Variants in RAB11FIP2 observed in about 807,000 individuals in gnomAD.
RAB11FIP2 encodes rab11 family-interacting protein 2.
RAB11FIP2 carries 16 observed loss-of-function variants against 40.9 expected under a neutral mutation model. The ratio of observed to expected loss-of-function variants is 0.39; its 90% CI spans 0.26 to 0.59. The LOEUF is 0.59. Among genes scored for constraint, RAB11FIP2 ranks in the 20% least tolerant of loss-of-function variants. The pLI is 0.53. For synonymous variants in RAB11FIP2, 228 were observed against 213.7 expected, an observed-to-expected ratio of 1.07 and a Z score of -0.58; for missense variants, 532 against 606.2, an observed-to-expected ratio of 0.88 and a Z score of 1.28.
chr10:118,040,122 C>T lies in RAB11FIP2; in HGVS notation c.796+1G>A, dbSNP rs1346744894. On this transcript the variant is annotated splice_donor_variant, in intron 2 of 4. Transcript: ENST00000355624. LOFTEE classifies it high-confidence loss of function. ...TGAGTACACAAGAATGTGACACTTA[C>T]CACTTTCTGGAACTGTTCCAAAGGA... 1 of 1,610,216 alleles carries T rather than the reference C, an allele frequency of 6.2e-7. No individual in the cohort carries two copies. Among genetic ancestry groups the T allele is most frequent in the Non-Finnish European group, 8.5e-7 (1 of 1,177,554 alleles).
At chr10:118,035,435 T>C (rs543641782) in intron 3 of RAB11FIP2, among the ~76,000 whole-genome samples, 72 of 152,292 alleles carry the variant, frequency 4.7e-4, no homozygotes, top group Non-Finnish European at 9.0e-4. Context: ...TACGGCTTTA[T>C]GGATCTGTTT....
intron 3 of RAB11FIP2, among the ~76,000 whole-genome samples, chr10:118,022,306 C>A (rs1846291486): frequency 6.6e-6 from 1 of 152,076 alleles, no homozygotes; most frequent in South Asian, 2.1e-4. Flanking sequence ...AGCCTCTTCA[C>A]AGTCTCTGCC....
intron 3 of RAB11FIP2, among the ~76,000 whole-genome samples, chr10:118,018,773 A>C (rs1038789546): frequency 2.0e-5 from 3 of 152,190 alleles, no homozygotes; most frequent in Non-Finnish European, 2.9e-5. Flanking sequence ...TGAGGTCTTG[A>C]AACTGTCCTT....
chr10:118,035,882 G>A (rs1008115631), intron 3 of RAB11FIP2, among the ~76,000 whole-genome samples: 1 of 151,976 alleles, frequency 6.6e-6, no homozygotes, highest in South Asian at 2.1e-4. Context: ...TAGTAACTTC[G>A]GGGAAAAGTG....
At chr10:118,023,697 G>A (rs1318910655) in intron 3 of RAB11FIP2, among the ~76,000 whole-genome samples, 1 of 152,188 alleles carries the variant, frequency 6.6e-6, no homozygotes, top group African/African-American at 2.4e-5. Context: ...TAATGAATAT[G>A]TTGTTGGTGA....
rs181431944 is a variant in RAB11FIP2 at position 118,013,128 on chromosome 10, A to G, written c.1311+1937T>C. On this transcript the variant is annotated intron_variant, in intron 4 of 4. Transcript: ENST00000355624. ...ATTTAAACAAAAGCAAATTATCAAGACTCAAAATAACTGAAGATTTAAAGA... is the reference window on the plus strand; with the variant it reads ...ATTTAAACAAAAGCAAATTATCAAGGCTCAAAATAACTGAAGATTTAAAGA... Among the ~76,000 whole-genome samples the G allele has an allele frequency of 8.3e-4, 127 of 152,178 alleles. 1 individual carries two copies. Among genetic ancestry groups the G allele is most frequent in the African/African-American group, 2.9e-3 (122 of 41,532 alleles).
At position 118,046,472 on chromosome 10, in the gene RAB11FIP2, C is replaced by T; in HGVS notation, c.-309G>A. 3.5e-6 allele frequency: 1 copy of T among 285,882 alleles called. No homozygotes were observed. Among genetic ancestry groups the T allele is most frequent in the Middle Eastern group, 9.9e-4 (1 of 1,010 alleles). 17.7% of individuals were successfully genotyped at this position (285,882 alleles called of 1,614,324 possible). A position where few individuals can be genotyped will look rare whatever the true frequency, so the allele number is the denominator to read the frequency against. On this transcript the variant is annotated 5_prime_UTR_variant, in exon 1 of 5. Transcript: ENST00000355624. Reference sequence around the variant, plus strand: ...CCCCAGGCCTGCGGGGCACGTGAGGCCTGGCCACACGGACCCGGGCGGAGG... The same window carrying T: ...CCCCAGGCCTGCGGGGCACGTGAGGTCTGGCCACACGGACCCGGGCGGAGG...
intron 3 of RAB11FIP2, among the ~76,000 whole-genome samples, chr10:118,026,427 CTT>C (rs1255696860): frequency 6.6e-6 from 1 of 152,072 alleles, no homozygotes; most frequent in African/African-American, 2.4e-5. Context: ...ATTTTATACT[CTT>C]GATGAAAAAC....
intron 3 of RAB11FIP2, among the ~76,000 whole-genome samples, chr10:118,030,364 TATC>T (rs1305631664): frequency 6.6e-6 from 1 of 152,170 alleles, no homozygotes; most frequent in Admixed American, 6.6e-5. Flanking sequence ...TATTTGATCA[TATC>T]ATAACAACTT....
chr10:118,030,978 T>C (rs1410693567), intron 3 of RAB11FIP2, among the ~76,000 whole-genome samples: 2 of 152,132 alleles, frequency 1.3e-5, no homozygotes, highest in Non-Finnish European at 2.9e-5. Context: ...TTCGTGTTTA[T>C]AGTCATTGTT....
rs1298030639 is a variant in RAB11FIP2, at chr10:118,007,307, T to C, written c.*1691A>G. 1 of 151,964 alleles carries C rather than the reference T, an allele frequency of 6.6e-6. No homozygotes were observed. The highest frequency in any genetic ancestry group is 2.4e-5 in the African/African-American group (1 of 41,432). The allele number at this position is 151,964 out of a possible 1,614,324, so 9.4% of individuals were successfully genotyped here. On this transcript the variant is annotated 3_prime_UTR_variant, in exon 5 of 5. Coordinates refer to ENST00000355624, the MANE Select transcript of RAB11FIP2 (RefSeq NM_014904.3). ...TCTCCATTTCTTAAAGCATTTAATT[T>C]TTATGAAAAAAATGTTCATAATTTC...
At chr10:118,022,388 T>C (rs977749620) in intron 3 of RAB11FIP2, among the ~76,000 whole-genome samples, 13 of 152,192 alleles carry the variant, frequency 8.5e-5, no homozygotes, top group Admixed American at 2.0e-4. Flanking sequence ...AACCTCATTA[T>C]TCGTCTGTCA....
chr10:118,032,553 A>C (rs1846427342), intron 3 of RAB11FIP2, among the ~76,000 whole-genome samples: 1 of 152,030 alleles, frequency 6.6e-6, no homozygotes, highest in Non-Finnish European at 1.5e-5. Context: ...AAGTTGTCTA[A>C]TTTAAGTACG....
intron 3 of RAB11FIP2, among the ~76,000 whole-genome samples, chr10:118,035,881 CG>C (rs1021941940): frequency 4.6e-5 from 7 of 152,028 alleles, no homozygotes; most frequent in African/African-American, 1.7e-4. Context: ...TTAGTAACTT[CG>C]GGGAAAAGTG....
rs1846090439 is a variant in RAB11FIP2 at position 118,006,351 on chromosome 10, A to G, written c.*2647T>C. On this transcript the variant is annotated 3_prime_UTR_variant, in exon 5 of 5. Coordinates refer to ENST00000355624, the MANE Select transcript of RAB11FIP2 (RefSeq NM_014904.3). The stretch of plus-strand genomic sequence containing the variant: ...TTTAAAAAATCCTCTTGTTGGTAGT[A>G]GTGTTTTGGGCATGCATTCTTTAAA... The G allele has an allele frequency of 1.3e-5, 2 of 152,578 alleles. No individual in the cohort carries two copies. Among genetic ancestry groups the G allele is most frequent in the Non-Finnish European group, 2.9e-5 (2 of 67,984 alleles). The allele number at this position is 152,578 out of a possible 1,614,324, so 9.5% of individuals were successfully genotyped here.
At chr10:118,012,810 T>C (rs1342799778) in intron 4 of RAB11FIP2, among the ~76,000 whole-genome samples, 3 of 152,080 alleles carry the variant, frequency 2.0e-5, no homozygotes, top group Admixed American at 6.6e-5. Flanking sequence ...ACAGCACTTA[T>C]GTTTTTAAGA....
chr10:118,010,628 T>C (rs1043905617), intron 4 of RAB11FIP2, among the ~76,000 whole-genome samples: 2 of 152,108 alleles, frequency 1.3e-5, no homozygotes, highest in Admixed American at 1.3e-4. Flanking sequence ...ACCAATTTGA[T>C]GCTTGGGTCA....
intron 3 of RAB11FIP2, among the ~76,000 whole-genome samples, chr10:118,025,149 T>A (rs58966546): frequency 6.6e-6 from 1 of 152,292 alleles, no homozygotes; most frequent in African/African-American, 2.4e-5. Flanking sequence ...AATTATAAAA[T>A]TTTTGCCAGA....
chr10:118,033,966 G>T, intron 3 of RAB11FIP2: 2 of 701,772 alleles, frequency 2.8e-6, no homozygotes, highest in Non-Finnish European at 5.2e-6. Context: ...CAGAGACCCA[G>T]GCTGCTCCTA....
Sources: allele counts gnomAD v4.1 joint callset (sites outside exome capture counted in the v4.1 genomes callset), GRCh38; gene constraint gnomAD v4.1.1; transcripts MANE v1.5; gene names NCBI Gene and HGNC (gene_info 2026-07-23, HGNC 2026-07-21).